UNC5C: variants seen among roughly 807,000 people sequenced by gnomAD.
UNC5C encodes the protein unc-5 netrin receptor C.
UNC5C carries 47 observed loss-of-function variants against 99.8 expected under a neutral mutation model. The observed-to-expected ratio is 0.47, with a 90% CI of 0.37 to 0.60. The LOEUF (loss-of-function observed/expected upper bound fraction) is 0.60. Among genes scored for constraint, UNC5C ranks in the 20% least tolerant of loss-of-function variants. The pLI is 0.00. For missense variants in UNC5C, 1,062 were observed against 1,165.9 expected, an observed-to-expected ratio of 0.91 and a Z score of 1.30; for synonymous variants, 487 against 452.2, an observed-to-expected ratio of 1.08 and a Z score of -0.98.
In UNC5C at chr4:95,234,235, A is replaced by G. The variant is rs775223085; in HGVS notation, c.1108+8194T>C. On this transcript the variant is annotated intron_variant, in intron 7 of 15. Coordinates refer to ENST00000453304, the MANE Select transcript of UNC5C (RefSeq NM_003728.4). ...TATAAAGAAACCTAAGTATTTTAAT[A>G]TGTACACAGTACAACTGGTCTTCCA... Among the ~76,000 whole-genome samples, 27 of 152,188 alleles carry G rather than the reference A, an allele frequency of 1.8e-4. No individual in the cohort carries two copies. The South Asian group carries it at 2.3e-3, about 13-fold the overall frequency.
chr4:95,268,961 C>T (rs1579283501), intron 4 of UNC5C, among the ~76,000 whole-genome samples: 2 of 152,166 alleles, frequency 1.3e-5, no homozygotes, highest in African/African-American at 4.8e-5. Context: ...GGGCTATTAT[C>T]AAATGTACAC....
chr4:95,404,443 A>G (rs766932634), intron 1 of UNC5C, among the ~76,000 whole-genome samples: 12 of 152,210 alleles, frequency 7.9e-5, no homozygotes, highest in African/African-American at 1.2e-4. Context: ...TATGCAATGA[A>G]GAGAACCAAA....
chr4:95,317,647 C>G (rs1742527459), intron 2 of UNC5C, among the ~76,000 whole-genome samples: 1 of 152,102 alleles, frequency 6.6e-6, no homozygotes, highest in Non-Finnish European at 1.5e-5. Context: ...CTATGCAGAG[C>G]CAGGCTGAGC....
In UNC5C at chr4:95,169,038, T is replaced by A. The variant is rs778515408; in HGVS notation, c.*196A>T. On this transcript the variant is annotated 3_prime_UTR_variant, in exon 16 of 16. Coordinates refer to ENST00000453304, the MANE Select transcript of UNC5C (RefSeq NM_003728.4). Reference sequence around the variant, plus strand: ...AGGTACAAATTTACACAATTTTTCTTAACTCCCGTGATGATGTCCGAGTAA... The same window carrying A: ...AGGTACAAATTTACACAATTTTTCTAAACTCCCGTGATGATGTCCGAGTAA... 2 of 615,632 alleles carry A rather than the reference T, an allele frequency of 3.2e-6. No individual in the cohort carries two copies. The highest frequency in any genetic ancestry group is 5.5e-6 in the Non-Finnish European group (2 of 366,360). 38.1% of individuals were successfully genotyped at this position (615,632 alleles called of 1,614,324 possible). A position where few individuals can be genotyped will look rare whatever the true frequency, so the allele number is the denominator to read the frequency against.
chr4:95,453,988 G>T (rs1213829532), intron 1 of UNC5C, among the ~76,000 whole-genome samples: 1 of 152,054 alleles, frequency 6.6e-6, no homozygotes, highest in Non-Finnish European at 1.5e-5. Flanking sequence ...CACATTGGTG[G>T]TTGCCAGAAG....
intron 1 of UNC5C, among the ~76,000 whole-genome samples, chr4:95,343,419 A>G (rs1462823002): frequency 6.6e-6 from 1 of 152,048 alleles, no homozygotes; most frequent in Non-Finnish European, 1.5e-5. Flanking sequence ...AGACCACAAG[A>G]CCTCTATGAG....
At chr4:95,501,864 A>T (rs1721784060) in intron 1 of UNC5C, among the ~76,000 whole-genome samples, 1 of 152,144 alleles carries the variant, frequency 6.6e-6, no homozygotes, top group South Asian at 2.1e-4. Flanking sequence ...GTTTTTGAAA[A>T]ATATATACAT....
chr4:95,302,537 T>C (rs1406413532), intron 2 of UNC5C, among the ~76,000 whole-genome samples: 1 of 152,166 alleles, frequency 6.6e-6, no homozygotes, highest in African/African-American at 2.4e-5. Context: ...AATGTGCCTC[T>C]TTGCCCTGAG....
intron 1 of UNC5C, among the ~76,000 whole-genome samples, chr4:95,351,226 T>C (rs7440986): frequency 0.78 from 118,063 of 151,880 alleles, 46,540 homozygotes; most frequent in East Asian, 1. Context: ...TTCTTCCCCA[T>C]GAGATGGCAT....
chr4:95,467,966 T>C (rs548293846), intron 1 of UNC5C, among the ~76,000 whole-genome samples: 19 of 152,220 alleles, frequency 1.2e-4, no homozygotes, highest in African/African-American at 2.2e-4. Context: ...AAGGTCTTCA[T>C]TCTCATTTTC....
intron 1 of UNC5C, among the ~76,000 whole-genome samples, chr4:95,415,927 C>A (rs1204580027): frequency 6.6e-6 from 1 of 150,570 alleles, no homozygotes; most frequent in Non-Finnish European, 1.5e-5. Context: ...TTTTTTTTCA[C>A]TCTGGCAATA....
intron 4 of UNC5C, among the ~76,000 whole-genome samples, chr4:95,254,237 G>A (rs1046809953): frequency 1.3e-5 from 2 of 152,100 alleles, no homozygotes; most frequent in African/African-American, 4.8e-5. Context: ...CATAATTTCT[G>A]AAGAGTTTAA....
At chr4:95,268,219 G>C (rs191790659) in intron 4 of UNC5C, among the ~76,000 whole-genome samples, 164 of 152,206 alleles carry the variant, frequency 1.1e-3, no homozygotes, top group Admixed American at 1.8e-3. Flanking sequence ...GATTACAGGC[G>C]TGAGCCACCG....
At chr4:95,310,298 G>A (rs1742231203) in intron 2 of UNC5C, among the ~76,000 whole-genome samples, 1 of 152,064 alleles carries the variant, frequency 6.6e-6, no homozygotes, top group Non-Finnish European at 1.5e-5. Context: ...CCCAAGATGG[G>A]TGACTGGGAA....
intron 1 of UNC5C, 60 bp downstream of exon 1, chr4:95,548,673 GA>G: frequency 6.4e-7 from 1 of 1,572,748 alleles, no homozygotes; most frequent in Non-Finnish European, 8.6e-7. Flanking sequence ...GGGAGGAGGA[GA>G]GGAAGGAGGG....
At chr4:95,227,998 A>G (rs1040424626) in intron 7 of UNC5C, among the ~76,000 whole-genome samples, 10 of 152,198 alleles carry the variant, frequency 6.6e-5, no homozygotes, top group Non-Finnish European at 1.5e-4. Context: ...ACCATTGTAA[A>G]AGATCAGAGC....
At chr4:95,495,439 C>T (rs1180860123) in intron 1 of UNC5C, among the ~76,000 whole-genome samples, 2 of 151,570 alleles carry the variant, frequency 1.3e-5, no homozygotes, top group African/African-American at 2.4e-5. Context: ...CAGTATCTTT[C>T]TGTGGCACTG....
chr4:95,460,130 C>T (rs557955261), intron 1 of UNC5C, among the ~76,000 whole-genome samples: 118 of 150,802 alleles, frequency 7.8e-4, no homozygotes, highest in African/African-American at 2.7e-3. Context: ...GCAAGTACCT[C>T]CACTGGGATT....
intron 1 of UNC5C, among the ~76,000 whole-genome samples, chr4:95,516,556 C>A (rs558882227): frequency 9.2e-5 from 14 of 152,232 alleles, no homozygotes; most frequent in African/African-American, 3.1e-4. Flanking sequence ...AAGCTGGGGG[C>A]GGAGTGTGTG....
Sources: allele counts gnomAD v4.1 joint callset (sites outside exome capture counted in the v4.1 genomes callset), GRCh38; gene constraint gnomAD v4.1.1; transcripts MANE v1.5; gene names NCBI Gene and HGNC (gene_info 2026-07-23, HGNC 2026-07-21).